Variants in JHY observed in about 807,000 individuals in gnomAD.
JHY encodes junctional cadherin complex regulator, also known as jhy protein homolog.
JHY carries 69 observed loss-of-function variants against 78.0 expected under a neutral mutation model. The observed-to-expected ratio is 0.88, with a 90% CI of 0.73 to 1.08. The LOEUF (loss-of-function observed/expected upper bound fraction) is 1.08. Among genes scored for constraint, JHY ranks in the 50% least tolerant of loss-of-function variants. The pLI is 0.00. For synonymous variants in JHY, 368 were observed against 342.6 expected (o/e 1.07, Z -0.82); for missense variants, 944 against 927.8 (o/e 1.02, Z -0.23).
At chr11:122,940,548 A>G (rs936575888) in intron 5 of JHY, among the ~76,000 whole-genome samples, 2 of 152,176 alleles carry the variant, frequency 1.3e-5, no homozygotes, top group African/African-American at 4.8e-5. Context: ...ATTATTGGTG[A>G]TGCTAAGTTA....
At chr11:122,914,648 T>C (rs1356082863) in intron 3 of JHY, among the ~76,000 whole-genome samples, 1 of 152,036 alleles carries the variant, frequency 6.6e-6, no homozygotes, top group Non-Finnish European at 1.5e-5. Flanking sequence ...GTTCACCATG[T>C]TGGTCAGGCT....
At chr11:122,915,130 A>G (rs751253915) in intron 3 of JHY, among the ~76,000 whole-genome samples, 4 of 152,200 alleles carry the variant, frequency 2.6e-5, no homozygotes, top group Non-Finnish European at 5.9e-5. Flanking sequence ...TTTTAAGGAT[A>G]GTTTTCAGAA....
At chr11:122,958,232 A>G (rs1001605768) in intron 8 of JHY, among the ~76,000 whole-genome samples, 6 of 152,332 alleles carry the variant, frequency 3.9e-5, no homozygotes, top group Non-Finnish European at 5.9e-5. Context: ...CTCTGCCTCA[A>G]TTGATCTATC....
chr11:122,950,876 A>T (rs569933499), intron 6 of JHY, among the ~76,000 whole-genome samples: 4 of 152,294 alleles, frequency 2.6e-5, no homozygotes, highest in Admixed American at 2.6e-4. Flanking sequence ...CATCTTTCCA[A>T]CTGGGGACAT....
intron 3 of JHY, among the ~76,000 whole-genome samples, chr11:122,907,947 G>T (rs1025947260): frequency 2.0e-5 from 3 of 151,134 alleles, no homozygotes; most frequent in Admixed American, 6.6e-5. Flanking sequence ...AACTCCTTGA[G>T]TATTTCTAAT....
At chr11:122,919,107 C>A (rs1321172976) in intron 3 of JHY, among the ~76,000 whole-genome samples, 1 of 151,720 alleles carries the variant, frequency 6.6e-6, no homozygotes, top group African/African-American at 2.4e-5. Flanking sequence ...AATCCCAGCA[C>A]TTTGGAAGGC....
At chr11:122,912,085 G>A (rs1863140702) in intron 3 of JHY, among the ~76,000 whole-genome samples, 2 of 151,938 alleles carry the variant, frequency 1.3e-5, no homozygotes, top group South Asian at 2.1e-4. Context: ...TCAGGAGTTG[G>A]AGACCAGCCT....
intron 3 of JHY, among the ~76,000 whole-genome samples, chr11:122,908,489 A>G (rs1198683849): frequency 1.3e-5 from 2 of 152,178 alleles, no homozygotes; most frequent in African/African-American, 2.4e-5. Flanking sequence ...TTCCCAGGAG[A>G]TGCAAGGCTG....
chr11:122,900,773 G>C (rs76436812), intron 2 of JHY, among the ~76,000 whole-genome samples: 1,980 of 152,224 alleles, frequency 0.013, 43 homozygotes, highest in African/African-American at 0.045. Flanking sequence ...CCGTGATCTG[G>C]TCTGATTTGA....
At chr11:122,931,968 C>A (rs551679446) in intron 4 of JHY, among the ~76,000 whole-genome samples, 2 of 152,178 alleles carry the variant, frequency 1.3e-5, no homozygotes, top group South Asian at 4.2e-4. Context: ...CCGTGTGTGA[C>A]GCAAAAACCT....
chr11:122,936,369 A>G (rs1863756266), intron 5 of JHY, among the ~76,000 whole-genome samples: 1 of 152,126 alleles, frequency 6.6e-6, no homozygotes, highest in African/African-American at 2.4e-5. Flanking sequence ...TGTAGATTTA[A>G]TAAGATTTAA....
At chr11:122,931,724 G>C (rs1370250610) in intron 4 of JHY, among the ~76,000 whole-genome samples, 1 of 152,136 alleles carries the variant, frequency 6.6e-6, no homozygotes, top group Non-Finnish European at 1.5e-5. Flanking sequence ...CTTTTGTGTT[G>C]AAACAGATGA....
intron 6 of JHY, among the ~76,000 whole-genome samples, chr11:122,948,638 A>G (rs1864017957): frequency 6.6e-6 from 1 of 151,760 alleles, no homozygotes; most frequent in Non-Finnish European, 1.5e-5. Flanking sequence ...TAATGATATT[A>G]ATTAATAATA....
At position 122,935,470 on chromosome 11, in the gene JHY, A is replaced by G. The variant is rs1333235239; in HGVS notation, c.1634+395A>G. Reference sequence around the variant, plus strand: ...GGCTGGTCTCGAACTCCTGACCTCAAGTAATCCACCCGCCTTGGCCTCCCA... The same window carrying G: ...GGCTGGTCTCGAACTCCTGACCTCAGGTAATCCACCCGCCTTGGCCTCCCA... On this transcript the variant is annotated intron_variant, in intron 5 of 8. Transcript: ENST00000227349. This position sits in a 1 kb window ranked among gnomAD's most constrained non-coding sequence, Gnocchi z 4.5. 6.6e-6 allele frequency among the ~76,000 whole-genome samples: 1 copy of G among 152,116 alleles called. No individual in the cohort carries two copies. Among genetic ancestry groups the G allele is most frequent in the East Asian group, 1.9e-4 (1 of 5,190 alleles).
chr11:122,919,708 G>GCA (rs1257543490), intron 3 of JHY, among the ~76,000 whole-genome samples: 9 of 152,230 alleles, frequency 5.9e-5, no homozygotes, highest in Non-Finnish European at 1.3e-4. Flanking sequence ...GCCAGGCACG[G>GCA]CGGCTCACGC....
intron 2 of JHY, among the ~76,000 whole-genome samples, chr11:122,892,778 GA>G (rs1862652477): frequency 6.6e-6 from 1 of 152,178 alleles, no homozygotes; most frequent in Non-Finnish European, 1.5e-5. Context: ...CACAGGTAGA[GA>G]AAGACTTAGG....
intron 6 of JHY, among the ~76,000 whole-genome samples, chr11:122,950,475 C>G (rs1053653350): frequency 1.3e-5 from 2 of 152,168 alleles, no homozygotes; most frequent in Non-Finnish European, 2.9e-5. Context: ...GAGCTCAATT[C>G]TCACTCGGCA....
At chr11:122,889,468 T>C (rs1012528106) in intron 2 of JHY, among the ~76,000 whole-genome samples, 3 of 152,178 alleles carry the variant, frequency 2.0e-5, no homozygotes, top group African/African-American at 7.2e-5. Context: ...ACTATTTACA[T>C]GGTATTTACA....
In JHY at chr11:122,934,822, G is replaced by T; in HGVS notation, c.1381G>T (p.Asp461Tyr). 1 of 1,614,098 alleles carries T rather than the reference G, an allele frequency of 6.2e-7. No homozygotes were observed. The highest frequency in any genetic ancestry group is 8.5e-7 in the Non-Finnish European group (1 of 1,180,034). Reference sequence around the variant, plus strand: ...CTTATCTAAAAACTCTACTGGATGTGACTCTGGGCTGAATGTTAATAAAGA... The same window carrying T: ...CTTATCTAAAAACTCTACTGGATGTTACTCTGGGCTGAATGTTAATAAAGA... ...KVLSKNSTGC[D>Y]SGLNVNKERG... Residue 461 changes from aspartate (D) to tyrosine (Y), a missense_variant, in exon 5 of 9, where the codon GAC (aspartate) becomes TAC (tyrosine). By Grantham distance (160) the Asp-to-Tyr change is radical. Transcript: ENST00000227349.
Sources: allele counts gnomAD v4.1 joint callset (sites outside exome capture counted in the v4.1 genomes callset), GRCh38; gene constraint gnomAD v4.1.1; non-coding constraint Gnocchi (gnomAD v3.1); transcripts MANE v1.5; gene names NCBI Gene and HGNC (gene_info 2026-07-23, HGNC 2026-07-21).